DYDC1: variants seen among roughly 807,000 people sequenced by gnomAD.
The protein encoded by DYDC1 is DPY30 domain-containing protein 1.
Under a neutral mutation model 27.9 loss-of-function variants are expected in DYDC1, and 21 were observed. That is an observed-to-expected ratio of 0.75 (90% CI 0.53 to 1.08). The LOEUF is 1.08. DYDC1 is among the 50% of genes least tolerant of loss of function. DYDC1 has a pLI of 0.00. For synonymous variants in DYDC1, 67 were observed against 65.8 expected (o/e 1.02, Z -0.09); for missense variants, 202 against 205.9 (o/e 0.98, Z 0.12).
At chr10:80,346,524 G>T (rs866542691) in intron 3 of DYDC1, among the ~76,000 whole-genome samples, 2 of 141,348 alleles carry the variant, frequency 1.4e-5, no homozygotes, top group Non-Finnish European at 3.0e-5. Flanking sequence ...GCAGTGGCGC[G>T]ATCTCAGCTC....
intron 1 of DYDC1, 63 bp downstream of exon 1, chr10:80,356,649 C>G (rs867154880): frequency 1.0e-6 from 1 of 984,018 alleles, no homozygotes; most frequent in African/African-American, 1.7e-5. Flanking sequence ...CTCTGCCCGC[C>G]GGACCCAGCG....
chr10:80,353,836 AT>A (rs1843165288), intron 1 of DYDC1, among the ~76,000 whole-genome samples: 1 of 152,114 alleles, frequency 6.6e-6, no homozygotes, highest in Non-Finnish European at 1.5e-5. Context: ...ATCAATAATG[AT>A]AATATCTCTT....
At chr10:80,346,054 C>T (rs1842602700) in intron 3 of DYDC1, among the ~76,000 whole-genome samples, 1 of 152,104 alleles carries the variant, frequency 6.6e-6, no homozygotes, top group Non-Finnish European at 1.5e-5. Flanking sequence ...CCCTATGTTG[C>T]CCAAGCTGGT....
chr10:80,345,370 T>C (rs1455343642), intron 3 of DYDC1, among the ~76,000 whole-genome samples: 2 of 152,206 alleles, frequency 1.3e-5, no homozygotes, highest in Non-Finnish European at 2.9e-5. Context: ...TAGTGAATGC[T>C]TACCACAGGT....
chr10:80,338,603 A>G (rs1271364263), intron 5 of DYDC1, 32 bp from the exon 6 acceptor site: 1 of 1,513,632 alleles, frequency 6.6e-7, no homozygotes, highest in South Asian at 1.3e-5. Flanking sequence ...TTACTTTTAA[A>G]TGATTTCAAA....
At chr10:80,342,506 ATTTTT>A in intron 3 of DYDC1, 145 bp from the exon 4 acceptor site, 1 of 648,320 alleles carries the variant, frequency 1.5e-6, no homozygotes. Context: ...GAAGCATAAA[ATTTTT>A]AAAAAAGATT....
chr10:80,347,276 C>CTTTTTTTTTTTTTTT (rs556362145), intron 3 of DYDC1, among the ~76,000 whole-genome samples: 2 of 90,114 alleles, frequency 2.2e-5, no homozygotes, highest in African/African-American at 4.4e-5. Flanking sequence ...AATTGGGATC[C>CTTTTTTTTTTTTTTT]TTTTTTTTTT....
chr10:80,345,860 C>T (rs1408434596), intron 3 of DYDC1, among the ~76,000 whole-genome samples: 1 of 152,030 alleles, frequency 6.6e-6, no homozygotes, highest in African/African-American at 2.4e-5. Context: ...ATGAGAAATA[C>T]ATCTTACGTT....
In DYDC1 at chr10:80,342,296, T is replaced by C; in HGVS notation, c.315A>G (p.Leu105=). The change falls in exon 4 of 7, where the codon CTA becomes CTG. Residue 105 remains leucine (L), a synonymous_variant. Coordinates refer to ENST00000372202, the MANE Select transcript of DYDC1 (RefSeq NM_001269053.2). ...QEKERQRIQE[L]QRAQEQLGKE... ...TGCCTAATTGTTCTTGAGCTCTCTG[T>C]AGTTCTTGTATTCTCTGCCTCTCCT... 1.9e-6 allele frequency: 3 copies of C among 1,613,888 alleles called. No individual in the cohort carries two copies. Among genetic ancestry groups the C allele is most frequent in the Non-Finnish European group, 2.5e-6 (3 of 1,179,908 alleles).
chr10:80,351,680 T>C (rs1842986739), intron 3 of DYDC1, among the ~76,000 whole-genome samples: 2 of 152,164 alleles, frequency 1.3e-5, no homozygotes, highest in African/African-American at 4.8e-5. Context: ...GCAACAACAG[T>C]GTGGAAAGGA....
At chr10:80,344,445 C>T (rs1462739589) in intron 3 of DYDC1, among the ~76,000 whole-genome samples, 2 of 152,172 alleles carry the variant, frequency 1.3e-5, no homozygotes, top group African/African-American at 4.8e-5. Context: ...GATAAGCAGA[C>T]AGATGTTCCC....
chr10:80,346,967 C>T (rs988212448), intron 3 of DYDC1, among the ~76,000 whole-genome samples: 3 of 151,932 alleles, frequency 2.0e-5, no homozygotes, highest in Admixed American at 6.6e-5. Flanking sequence ...GTAATCCCAG[C>T]TACTCAGGAG....
At chr10:80,337,691 C>T (rs1842179007) in intron 6 of DYDC1, among the ~76,000 whole-genome samples, 1 of 152,206 alleles carries the variant, frequency 6.6e-6, no homozygotes, top group African/African-American at 2.4e-5. Flanking sequence ...GGTCTTCACA[C>T]CTTCCATGCT....
At chr10:80,342,099 G>A (rs572473307) in intron 4 of DYDC1, among the ~76,000 whole-genome samples, 170 bp downstream of exon 4, 3 of 151,620 alleles carry the variant, frequency 2.0e-5, no homozygotes, top group African/African-American at 7.3e-5. Context: ...TTTTGAAACA[G>A]GTAAACTGAG....
Position 80,352,440 on chromosome 10 carries a change from G to T in DYDC1, c.147+15C>A. ...TTTTTTTCTTCTAATTTCCTAGAAG[G>T]AGATTCCTACTTACCAGTTGTTCCA... is the stretch of plus-strand genomic sequence containing the variant. On this transcript the variant is annotated intron_variant, in intron 2 of 6. Coordinates refer to ENST00000372202, the MANE Select transcript of DYDC1 (RefSeq NM_001269053.2). The T allele has an allele frequency of 6.4e-7, 1 of 1,560,068 alleles. No homozygotes were observed. Among genetic ancestry groups the T allele is most frequent in the Non-Finnish European group, 8.6e-7 (1 of 1,157,616 alleles).
intron 3 of DYDC1, among the ~76,000 whole-genome samples, chr10:80,348,570 C>T (rs760023845): frequency 2.6e-5 from 4 of 152,194 alleles, no homozygotes; most frequent in Admixed American, 6.5e-5. Flanking sequence ...ATGTATTTTC[C>T]AACCTCGAAC....
At chr10:80,339,004 T>G (rs1842228276) in intron 5 of DYDC1, 93 bp downstream of exon 5, 1 of 648,158 alleles carries the variant, frequency 1.5e-6, no homozygotes, top group Non-Finnish European at 2.5e-6. Context: ...ATATACTTGC[T>G]AAAAATTTAG....
intron 1 of DYDC1, among the ~76,000 whole-genome samples, chr10:80,354,014 G>A (rs561403862): frequency 6.6e-6 from 1 of 151,986 alleles, no homozygotes; most frequent in African/African-American, 2.4e-5. Flanking sequence ...TACTTGGGAG[G>A]CTGAGGCAGG....
At chr10:80,348,612 GT>G (rs767473702) in intron 3 of DYDC1, among the ~76,000 whole-genome samples, 18 of 152,180 alleles carry the variant, frequency 1.2e-4, no homozygotes, top group Non-Finnish European at 2.2e-4. Context: ...AGGCCTCAAC[GT>G]AAGTGCAAAG....
Sources: gnomAD v4.1 joint callset for allele counts (sites outside exome capture counted in the v4.1 genomes callset) on GRCh38, gnomAD v4.1.1 for gene constraint, MANE v1.5 for transcripts, NCBI Gene and HGNC (gene_info 2026-07-23, HGNC 2026-07-21) for gene names.